Variants in OTOG observed in about 807,000 individuals in gnomAD.
The protein encoded by OTOG is otogelin.
Under a neutral mutation model 313.8 loss-of-function variants are expected in OTOG, and 296 were observed. The observed-to-expected ratio is 0.94, with a 90% CI of 0.86 to 1.04. OTOG has a LOEUF of 1.04. Among genes scored for constraint, OTOG ranks in the 50% least tolerant of loss-of-function variants. The probability of loss-of-function intolerance (pLI) is 0.00; values close to 1 mark genes in which losing one functional copy is unlikely to be tolerated. For synonymous variants in OTOG, 1,533 were observed against 1,554.9 expected, an observed-to-expected ratio of 0.99 and a Z score of 0.33; for missense variants, 3,948 against 3,840.1, an observed-to-expected ratio of 1.03 and a Z score of -0.74.
intron 53 of OTOG, 134 bp downstream of exon 53, chr11:17,642,380 A>G (rs2133722956): frequency 8.3e-7 from 1 of 1,202,012 alleles, no homozygotes. Context: ...TGCCACCCCA[A>G]ATCCATATGT....
At chr11:17,623,906 G>C (rs1391006656) in intron 39 of OTOG, among the ~76,000 whole-genome samples, 1 of 152,146 alleles carries the variant, frequency 6.6e-6, no homozygotes, top group Non-Finnish European at 1.5e-5. Context: ...CAGTGATGTT[G>C]AGCTTTTTTC....
rs564636599 is a variant in OTOG at position 17,631,080 on chromosome 11, G to A, written c.6713-622G>A. On this transcript the variant is annotated intron_variant, in intron 40 of 55. Transcript: ENST00000399397. The stretch of plus-strand genomic sequence containing the variant: ...AAGTTTTTATGAACTAGGCCTGGAG[G>A]TGGTACTCGTCACCTTCACTCATAT... Among the ~76,000 whole-genome samples the A allele has an allele frequency of 8.5e-5, 13 of 152,274 alleles. No individual in the cohort carries two copies. The South Asian group carries it at 1.9e-3, about 22-fold the overall frequency.
At chr11:17,629,976 C>CACACACACACACACAT (rs1854077906) in intron 40 of OTOG, among the ~76,000 whole-genome samples, 3 of 151,034 alleles carry the variant, frequency 2.0e-5, no homozygotes, top group African/African-American at 4.9e-5. Flanking sequence ...AAAACACTTA[C>CACACACACACACACAT]ACACACACAC....
rs570688276 is a variant in OTOG, at chr11:17,557,301, G to C, written c.843G>C (p.Lys281Asn). ...GTGGGAACAACAATGCTGACCCCAA[G>C]GATGATCTGGTGACCAGCTCTGGTG... is the stretch of plus-strand genomic sequence containing the variant. ...GLCGNNNADP[K>N]DDLVTSSGKL... The change falls in exon 8 of 56, where the codon AAG (lysine) becomes AAC (asparagine). Residue 281 changes from lysine to asparagine, a missense_variant. Lys to Asn is a moderately conservative substitution (Grantham distance 94, BLOSUM62 0). Coordinates refer to ENST00000399397, the MANE Select transcript of OTOG (RefSeq NM_001292063.2). 6.4e-7 allele frequency: 1 copy of C among 1,550,604 alleles called. No homozygotes were observed. Among genetic ancestry groups the C allele is most frequent in the Admixed American group, 2.0e-5 (1 of 51,002 alleles).
intron 23 of OTOG, among the ~76,000 whole-genome samples, chr11:17,582,291 G>A (rs1322737739): frequency 6.6e-6 from 1 of 152,084 alleles, no homozygotes; most frequent in Non-Finnish European, 1.5e-5. Context: ...TACATAAAAA[G>A]ATCCATATAT....
At chr11:17,553,235 C>A in intron 5 of OTOG, 24 bp downstream of exon 5, 1 of 1,548,788 alleles carries the variant, frequency 6.5e-7, no homozygotes, top group South Asian at 1.2e-5. Context: ...CCACCCCACC[C>A]CCAGGAAGGG....
intron 13 of OTOG, 34 bp from the exon 14 acceptor site, chr11:17,561,057 G>C (rs1389258114): frequency 5.2e-6 from 8 of 1,550,152 alleles, no homozygotes; most frequent in Non-Finnish European, 7.0e-6. Context: ...GCCTGGAGGG[G>C]TGACCTCTTG....
rs536167530 is a variant in OTOG at position 17,610,712 on chromosome 11, C to T, written c.5412C>T (p.Pro1804=). The T allele has an allele frequency of 4.0e-5, 62 of 1,550,302 alleles. No homozygotes were observed. In the Middle Eastern group the frequency reaches 5.0e-4, roughly 13 times the overall value. Residue 1804 remains proline (P), a synonymous_variant, in exon 36 of 56, where the codon CCC becomes CCT. Transcript: ENST00000399397. The part of the protein sequence containing the change: ...RPSQLLSGLP[P]DTSLPLAKVG... ...CCCAGCTCCTCTCTGGCCTGCCTCC[C>T]GACACCAGCCTGCCCCTGGCCAAGG...
chr11:17,599,581 G>A (rs1853194755), intron 30 of OTOG, 90 bp from the exon 31 acceptor site: 2 of 1,421,620 alleles, frequency 1.4e-6, no homozygotes, highest in Non-Finnish European at 1.9e-6. Flanking sequence ...TGGGGAAGAA[G>A]GGAGGCTGGG....
chr11:17,570,326 C>A lies in OTOG; in HGVS notation c.1891C>A (p.Arg631=), dbSNP rs909717508. Residue 631 remains arginine, a synonymous_variant, in exon 17 of 56, where the codon CGA becomes AGA. Transcript: ENST00000399397. The stretch of plus-strand genomic sequence containing the variant: ...CCGACTGTACCTGCAAGTGGACCAG[C>A]GATGGGTGGAGGATACCGTGGGCCT... ...GLRLYLQVDQ[R]WVEDTVGLCG... is the part of the protein sequence containing the mutation. 2.6e-6 allele frequency: 4 copies of A among 1,550,518 alleles called. No homozygotes were observed. In the African/African-American group the frequency reaches 5.5e-5, roughly 21 times the overall value.
At chr11:17,589,144 G>A (rs761576108) in intron 24 of OTOG, among the ~76,000 whole-genome samples, 2 of 152,130 alleles carry the variant, frequency 1.3e-5, no homozygotes, top group Non-Finnish European at 2.9e-5. Context: ...CCATGCAGCT[G>A]AATGTGACTG....
chr11:17,571,492 T>C (rs1852403072), intron 17 of OTOG, among the ~76,000 whole-genome samples: 2 of 152,156 alleles, frequency 1.3e-5, no homozygotes, highest in Non-Finnish European at 2.9e-5. Flanking sequence ...CTCATCCCCC[T>C]TCCTCCCTTC....
intron 47 of OTOG, among the ~76,000 whole-genome samples, chr11:17,636,393 A>G (rs1393524350): frequency 1.3e-5 from 2 of 152,214 alleles, no homozygotes; most frequent in Admixed American, 1.3e-4. Context: ...TTCTATTTAA[A>G]TATTATTCAA....
intron 39 of OTOG, among the ~76,000 whole-genome samples, chr11:17,625,142 C>T (rs1297449500): frequency 2.6e-5 from 4 of 152,130 alleles, no homozygotes; most frequent in Admixed American, 6.6e-5. Context: ...TTTGGAGGTC[C>T]TTTATTTCTT....
In OTOG at chr11:17,570,306, T is replaced by C; in HGVS notation, c.1871T>C (p.Leu624Pro). Residue 624 changes from leucine (L) to proline (P), a missense_variant, in exon 17 of 56, where the codon CTG (leucine) becomes CCG (proline). Physicochemically the swap from Leu to Pro is moderately conservative, Grantham distance 98. Transcript: ENST00000399397. Reference sequence around the variant, plus strand: ...CTCTACGACCGTGAAGGGCTCCGACTGTACCTGCAAGTGGACCAGCGATGG... The same window carrying C: ...CTCTACGACCGTGAAGGGCTCCGACCGTACCTGCAAGTGGACCAGCGATGG... Reference protein sequence around the residue: ...RVLYDREGLRLYLQVDQRWVE... With the variant: ...RVLYDREGLRPYLQVDQRWVE... The C allele has an allele frequency of 6.4e-7, 1 of 1,550,806 alleles. No homozygotes were observed. The highest frequency in any genetic ancestry group is 8.7e-7 in the Non-Finnish European group (1 of 1,147,038).
chr11:17,627,009 GT>G (rs1169613859), intron 39 of OTOG, among the ~76,000 whole-genome samples: 2 of 152,170 alleles, frequency 1.3e-5, no homozygotes, highest in East Asian at 1.9e-4. Flanking sequence ...AGTTCTAGTA[GT>G]TTTTTGGTGG....
rs1211444929 is a variant in OTOG at position 17,638,707 on chromosome 11, G to A, written c.7894+158G>A. On this transcript the variant is annotated intron_variant, in intron 48 of 55. Transcript: ENST00000399397. The stretch of plus-strand genomic sequence containing the variant: ...CCAGAATCACCTTCCTTCTGCATCC[G>A]CACTCCAAGTGCTGAGCATTCCTAC... 33 of 1,529,384 alleles carry A rather than the reference G, an allele frequency of 2.2e-5. 1 individual carries two copies. The highest frequency in any genetic ancestry group is 1.2e-4 in the East Asian group (5 of 40,776). The allele number at this position is 1,529,384 out of a possible 1,614,324, so 94.7% of individuals were successfully genotyped here. A position where few individuals can be genotyped will look rare whatever the true frequency, so the allele number is the denominator to read the frequency against.
In OTOG at chr11:17,638,455, T is replaced by C. The variant is rs1333602999; in HGVS notation, c.7800T>C (p.Cys2600=). The C allele has an allele frequency of 5.2e-6, 8 of 1,538,196 alleles. No individual in the cohort carries two copies. In the Admixed American group the frequency reaches 1.6e-4, roughly 30 times the overall value. ...ELCCPLYQCV[C]ENFRCPQVQC... is the part of the protein sequence containing the mutation. ...ACTGCCTCTCCTTCCCCACAGTGTG[T>C]GAGAACTTCCGCTGTCCCCAAGTGC... Residue 2600 remains cysteine, a synonymous_variant, in exon 48 of 56, where the codon TGT becomes TGC. Coordinates refer to ENST00000399397, the MANE Select transcript of OTOG (RefSeq NM_001292063.2).
intron 39 of OTOG, among the ~76,000 whole-genome samples, chr11:17,619,061 G>A (rs926994309): frequency 1.9e-4 from 29 of 152,068 alleles, no homozygotes; most frequent in African/African-American, 6.8e-4. Context: ...CCAGGAGTTC[G>A]AGACCAGCCT....
Sources: gnomAD v4.1 joint callset for allele counts (sites outside exome capture counted in the v4.1 genomes callset) on GRCh38, gnomAD v4.1.1 for gene constraint, MANE v1.5 for transcripts, NCBI Gene and HGNC (gene_info 2026-07-23, HGNC 2026-07-21) for gene names.